The following BANK1 variants were observed in gnomAD, a reference collection of about 807,000 sequenced individuals.
BANK1 encodes B cell scaffold protein with ankyrin repeats 1.
Under a neutral mutation model 94.5 loss-of-function variants are expected in BANK1, and 95 were observed. The observed-to-expected ratio is 1.00, with a 90% CI of 0.85 to 1.19. The LOEUF (loss-of-function observed/expected upper bound fraction) is 1.19, where lower values mean the gene tolerates loss of function less well. Ranked by LOEUF, BANK1 falls within the 50% of genes most tolerant of loss-of-function variation. BANK1 has a pLI of 0.00. For synonymous variants in BANK1, 334 were observed against 308.4 expected (o/e 1.08, Z -0.87); for missense variants, 987 against 932.2 (o/e 1.06, Z -0.77).
intron 7 of BANK1, among the ~76,000 whole-genome samples, chr4:101,944,898 G>A (rs1161185873): frequency 2.6e-5 from 4 of 151,942 alleles, no homozygotes; most frequent in East Asian, 3.9e-4. Context: ...CCTGATGCTG[G>A]GAATGCTCTT....
In BANK1 at chr4:102,060,399, G is replaced by A. The variant is rs367578847; in HGVS notation, c.2148+10G>A. On this transcript the variant is annotated intron_variant, in intron 12 of 16. Coordinates refer to ENST00000322953, the MANE Select transcript of BANK1 (RefSeq NM_017935.5). Reference sequence around the variant, plus strand: ...GGAAATGATTCAGCAGGTAATATTGGCCCAGTGTTTTCTGGGACATTCCCT... The same window carrying A: ...GGAAATGATTCAGCAGGTAATATTGACCCAGTGTTTTCTGGGACATTCCCT... The A allele has an allele frequency of 6.3e-7, 1 of 1,590,738 alleles. No homozygotes were observed. The highest frequency in any genetic ancestry group is 8.5e-7 in the Non-Finnish European group (1 of 1,171,998).
At chr4:101,949,953 G>T (rs757872327) in intron 7 of BANK1, among the ~76,000 whole-genome samples, 2 of 151,970 alleles carry the variant, frequency 1.3e-5, no homozygotes, top group Non-Finnish European at 2.9e-5. Flanking sequence ...TGTCTCAAGA[G>T]CATCTTATTG....
intron 7 of BANK1, among the ~76,000 whole-genome samples, chr4:101,978,409 T>C (rs990276712): frequency 6.6e-6 from 1 of 152,068 alleles, no homozygotes; most frequent in Non-Finnish European, 1.5e-5. Context: ...ACAATTTAAT[T>C]GCAATAATAT....
chr4:101,934,887 C>A (rs1723477763), intron 7 of BANK1, among the ~76,000 whole-genome samples: 1 of 151,468 alleles, frequency 6.6e-6, no homozygotes, highest in Non-Finnish European at 1.5e-5. Flanking sequence ...CCGTGTTTAC[C>A]TGCCCTTTTC....
intron 1 of BANK1, among the ~76,000 whole-genome samples, chr4:101,819,195 A>C (rs1183561273): frequency 6.6e-6 from 1 of 152,174 alleles, no homozygotes; most frequent in Non-Finnish European, 1.5e-5. Context: ...AGTTAAGACT[A>C]GTAACTAATA....
chr4:101,890,496 T>A (rs1721824099), intron 5 of BANK1, among the ~76,000 whole-genome samples: 1 of 150,904 alleles, frequency 6.6e-6, no homozygotes, highest in East Asian at 1.9e-4. Context: ...TCCTTTGTAA[T>A]TTTTGCATGC....
chr4:101,812,894 A>G (rs763374590), intron 1 of BANK1, among the ~76,000 whole-genome samples: 26 of 152,114 alleles, frequency 1.7e-4, no homozygotes, highest in Non-Finnish European at 3.2e-4. Context: ...TGGCTTTTGT[A>G]AACAGGTTAG....
rs576402700 is a variant in BANK1, at chr4:101,965,231, A to G, written c.1206+47042A>G. Among the ~76,000 whole-genome samples the G allele has an allele frequency of 9.1e-4, 138 of 152,056 alleles. 1 individual carries two copies. Among genetic ancestry groups the G allele is most frequent in the African/African-American group, 3.2e-3 (131 of 41,506 alleles). ...TTTTGATCTGCACTTTTACTCAAAA[A>G]CAGAAAGAATTTTCGATCTGAAATG... On this transcript the variant is annotated intron_variant, in intron 7 of 16. Coordinates refer to ENST00000322953, the MANE Select transcript of BANK1 (RefSeq NM_017935.5).
intron 15 of BANK1, among the ~76,000 whole-genome samples, chr4:102,073,347 T>C (rs1728818598): frequency 6.6e-6 from 1 of 151,802 alleles, no homozygotes; most frequent in South Asian, 2.1e-4. Context: ...TATGAAAATA[T>C]CAACCAAAGA....
At chr4:101,812,917 G>A (rs562468776) in intron 1 of BANK1, among the ~76,000 whole-genome samples, 1 of 152,070 alleles carries the variant, frequency 6.6e-6, no homozygotes, top group East Asian at 1.9e-4. Context: ...CCTAAATTCT[G>A]AACTGTGAAT....
At chr4:102,066,381 C>G (rs1026765234) in intron 13 of BANK1, among the ~76,000 whole-genome samples, 3 of 150,918 alleles carry the variant, frequency 2.0e-5, no homozygotes, top group African/African-American at 4.9e-5. Context: ...CTCAGCCTCC[C>G]GAGTAGCTGA....
chr4:101,862,747 T>C lies in BANK1; in HGVS notation c.763+83T>C, dbSNP rs546775878. On this transcript the variant is annotated intron_variant, in intron 4 of 16. Transcript: ENST00000322953. ...ATTTATAATAAATGGTTTCACTTCCTTACAAAAACTAATATTGTTCTGCAG... is the reference window on the plus strand; with the variant it reads ...ATTTATAATAAATGGTTTCACTTCCCTACAAAAACTAATATTGTTCTGCAG... The C allele has an allele frequency of 8.3e-6, 11 of 1,320,022 alleles. No homozygotes were observed. The Admixed American group carries it at 1.5e-4, about 18-fold the overall frequency. 81.8% of individuals were successfully genotyped at this position (1,320,022 alleles called of 1,614,324 possible). A position where few individuals can be genotyped will look rare whatever the true frequency, so the allele number is the denominator to read the frequency against.
intron 1 of BANK1, among the ~76,000 whole-genome samples, chr4:101,828,171 A>T (rs1726436635): frequency 6.6e-6 from 1 of 151,672 alleles, no homozygotes; most frequent in African/African-American, 2.4e-5. Flanking sequence ...AAATATTGAA[A>T]TGTACCTATC....
At chr4:101,901,962 G>A (rs950553237) in intron 6 of BANK1, among the ~76,000 whole-genome samples, 3 of 151,938 alleles carry the variant, frequency 2.0e-5, no homozygotes, top group Admixed American at 6.6e-5. Flanking sequence ...GGGTTTCACC[G>A]TGTTAGCCAG....
intron 7 of BANK1, among the ~76,000 whole-genome samples, chr4:102,017,684 G>A (rs1256529921): frequency 1.3e-5 from 2 of 152,284 alleles, no homozygotes; most frequent in South Asian, 2.1e-4. Flanking sequence ...ACAAAGCAGG[G>A]GATCAAACCA....
intron 5 of BANK1, among the ~76,000 whole-genome samples, chr4:101,888,617 G>C (rs1414880181): frequency 6.6e-6 from 1 of 152,106 alleles, no homozygotes; most frequent in Non-Finnish European, 1.5e-5. Context: ...CCACTTATTA[G>C]CTCTGCCAAT....
chr4:101,944,062 G>GAC (rs1553934717), intron 7 of BANK1, among the ~76,000 whole-genome samples: 4 of 151,364 alleles, frequency 2.6e-5, no homozygotes, highest in African/African-American at 7.3e-5. Context: ...GAGAGAGAGA[G>GAC]AGACAGACAG....
intron 7 of BANK1, among the ~76,000 whole-genome samples, chr4:102,018,332 G>A (rs1726783638): frequency 6.6e-6 from 1 of 152,126 alleles, no homozygotes; most frequent in South Asian, 2.1e-4. Context: ...GCTTCAATGT[G>A]CTTTATAAAA....
chr4:101,987,677 G>A (rs924923285), intron 7 of BANK1, among the ~76,000 whole-genome samples: 15 of 152,042 alleles, frequency 9.9e-5, no homozygotes, highest in African/African-American at 3.4e-4. Context: ...CTCTGTTCAT[G>A]ACAAATATTA....
Sources: gnomAD v4.1 joint callset for allele counts (sites outside exome capture counted in the v4.1 genomes callset) on GRCh38, gnomAD v4.1.1 for gene constraint, MANE v1.5 for transcripts, NCBI Gene and HGNC (gene_info 2026-07-23, HGNC 2026-07-21) for gene names.